The following SORCS2 variants were observed in gnomAD, a reference collection of about 807,000 sequenced individuals.
SORCS2 encodes sortilin related VPS10 domain containing receptor 2.
SORCS2 carries 100 observed loss-of-function variants against 141.6 expected under a neutral mutation model. The ratio of observed to expected loss-of-function variants is 0.71; its 90% CI spans 0.60 to 0.83. The LOEUF is 0.83. Among genes scored for constraint, SORCS2 ranks in the 40% least tolerant of loss-of-function variants. The pLI, the probability that SORCS2 is intolerant of heterozygous loss-of-function variation, is 0.00. For synonymous variants in SORCS2, 789 were observed against 676.9 expected (o/e 1.17, Z -2.57); for missense variants, 1,646 against 1,560.2 (o/e 1.05, Z -0.93).
At chr4:7,249,989 C>T (rs1713382249) in intron 1 of SORCS2, among the ~76,000 whole-genome samples, 1 of 152,118 alleles carries the variant, frequency 6.6e-6, no homozygotes, top group Admixed American at 6.5e-5. Flanking sequence ...TGCTTGTAAT[C>T]CTAACACTTT....
Position 7,741,272 on chromosome 4 carries a change from C to T in SORCS2, c.*1008C>T. The T allele has an allele frequency of 2.5e-6, 1 of 398,914 alleles. No individual in the cohort carries two copies. The highest frequency in any genetic ancestry group is 4.4e-6 in the Non-Finnish European group (1 of 226,124). The allele number at this position is 398,914 out of a possible 1,614,324, so 24.7% of individuals were successfully genotyped here. A position where few individuals can be genotyped will look rare whatever the true frequency, so the allele number is the denominator to read the frequency against. Reference sequence around the variant, plus strand: ...GGGCTGGAAGGGCCATCAGCGTGACCCTCATTTTCAAGAAGGGGAAACTGA... The same window carrying T: ...GGGCTGGAAGGGCCATCAGCGTGACTCTCATTTTCAAGAAGGGGAAACTGA... On this transcript the variant is annotated 3_prime_UTR_variant, in exon 27 of 27. Coordinates refer to ENST00000507866, the MANE Select transcript of SORCS2 (RefSeq NM_020777.3).
intron 2 of SORCS2, among the ~76,000 whole-genome samples, chr4:7,521,046 G>A (rs927770350): frequency 3.3e-5 from 5 of 152,164 alleles, no homozygotes; most frequent in South Asian, 2.1e-4. Context: ...AATCTTGGGC[G>A]AGTTACTTAA....
chr4:7,623,582 C>G (rs73794317), intron 3 of SORCS2, among the ~76,000 whole-genome samples: 4,710 of 152,224 alleles, frequency 0.031, 222 homozygotes, highest in African/African-American at 0.11. Context: ...GGCATCCAGT[C>G]CTGCTCCTTC....
intron 3 of SORCS2, among the ~76,000 whole-genome samples, chr4:7,539,856 T>TGCTGTGGAAGCCCCATCCCC (rs1474907555): frequency 2.1e-5 from 3 of 142,054 alleles, no homozygotes; most frequent in Non-Finnish European, 4.6e-5. Flanking sequence ...GCCCCATTCC[T>TGCTGTGGAAGCCCCATCCCC]GCTGTGGAAG....
chr4:7,392,286 C>T (rs1428757135), intron 1 of SORCS2, among the ~76,000 whole-genome samples: 1 of 150,440 alleles, frequency 6.6e-6, no homozygotes, highest in Non-Finnish European at 1.5e-5. Context: ...GCCTCCAGGA[C>T]AGGGCATGTT....
At chr4:7,539,853 TCCTGCTGTGGAAGCCCCATCCCCTC>T (rs1377816446) in intron 3 of SORCS2, among the ~76,000 whole-genome samples, 6 of 146,058 alleles carry the variant, frequency 4.1e-5, no homozygotes, top group Non-Finnish European at 9.0e-5. Context: ...TCCGCCCCAT[TCCTGCTGTGGAAGCCCCATCCCCTC>T]CCTGCTGTGG....
chr4:7,488,358 C>G (rs1475427542), intron 2 of SORCS2, among the ~76,000 whole-genome samples: 1 of 152,208 alleles, frequency 6.6e-6, no homozygotes, highest in African/African-American at 2.4e-5. Flanking sequence ...GGACTCTGAG[C>G]TGGGTCAAGG....
chr4:7,589,898 C>T (rs79148301), intron 3 of SORCS2, among the ~76,000 whole-genome samples: 5,742 of 152,236 alleles, frequency 0.038, 183 homozygotes, highest in Admixed American at 0.1. Flanking sequence ...TCTAGAGCAG[C>T]GCAAATATGG....
Position 7,262,837 on chromosome 4 carries a change from G to A in SORCS2, c.480+69711G>A, listed in dbSNP as rs1261839260. Among the ~76,000 whole-genome samples the A allele has an allele frequency of 2.6e-5, 4 of 152,176 alleles. No individual in the cohort carries two copies. The East Asian group carries it at 7.7e-4, about 29-fold the overall frequency. Reference sequence around the variant, plus strand: ...GATTTAGGCACTGCTTTTTCTTTAGGCTGTGTCTGGTGAAGGTGGAGGGAC... The same window carrying A: ...GATTTAGGCACTGCTTTTTCTTTAGACTGTGTCTGGTGAAGGTGGAGGGAC... On this transcript the variant is annotated intron_variant, in intron 1 of 26. Transcript: ENST00000507866.
chr4:7,555,216 T>A (rs1714020715), intron 3 of SORCS2, among the ~76,000 whole-genome samples: 1 of 152,256 alleles, frequency 6.6e-6, no homozygotes, highest in South Asian at 2.1e-4. Context: ...TCTGGCTGTG[T>A]GAGCCAGTTG....
At chr4:7,433,485 C>G (rs771521999) in intron 2 of SORCS2, 14 of 1,587,264 alleles carry the variant, frequency 8.8e-6, no homozygotes, top group Non-Finnish European at 1.2e-5. Context: ...AGGCCCCCAC[C>G]TTCTTGCACA....
chr4:7,630,311 G>A (rs34369999), intron 3 of SORCS2, among the ~76,000 whole-genome samples: 20,861 of 152,188 alleles, frequency 0.14, 1,571 homozygotes, highest in Non-Finnish European at 0.17. Context: ...CAGCAGGAAC[G>A]AACCTGCAGA....
At chr4:7,611,206 C>G (rs1718383446) in intron 3 of SORCS2, among the ~76,000 whole-genome samples, 1 of 152,220 alleles carries the variant, frequency 6.6e-6, no homozygotes, top group African/African-American at 2.4e-5. Flanking sequence ...GAAACCATGA[C>G]CTCAGCACCT....
chr4:7,299,046 C>G (rs956321491), intron 1 of SORCS2, among the ~76,000 whole-genome samples: 3 of 152,288 alleles, frequency 2.0e-5, no homozygotes, highest in Non-Finnish European at 2.9e-5. Context: ...CCGCCACCCC[C>G]TCTTGGGTCC....
chr4:7,626,207 T>C (rs189925450), intron 3 of SORCS2, among the ~76,000 whole-genome samples: 5 of 152,282 alleles, frequency 3.3e-5, no homozygotes, highest in Non-Finnish European at 5.9e-5. Context: ...CGACCATTCA[T>C]AGATGACCTA....
chr4:7,255,852 CCCGGGG>C (rs1713823895), intron 1 of SORCS2, among the ~76,000 whole-genome samples: 1 of 59,004 alleles, frequency 1.7e-5, no homozygotes, highest in African/African-American at 1.2e-4. Context: ...TGCGTGGGGA[CCCGGGG>C]CTGGAGCGTG....
chr4:7,669,523 C>T (rs1443023364), intron 8 of SORCS2, among the ~76,000 whole-genome samples: 2 of 152,244 alleles, frequency 1.3e-5, no homozygotes, highest in Non-Finnish European at 2.9e-5. Context: ...CCAGTGTTTC[C>T]CACCAACAAC....
At chr4:7,739,038 C>A (rs1712436375) in intron 26 of SORCS2, among the ~76,000 whole-genome samples, 1 of 152,198 alleles carries the variant, frequency 6.6e-6, no homozygotes, top group African/African-American at 2.4e-5. Context: ...TGTGTCAGCC[C>A]CAGCTCAGCG....
intron 11 of SORCS2, 29 bp downstream of exon 11, chr4:7,689,617 C>A (rs373111053): frequency 2.2e-4 from 340 of 1,548,840 alleles, no homozygotes; most frequent in Non-Finnish European, 2.8e-4. Context: ...AGGTGGCTGG[C>A]AGGTGCCATT....
Sources: allele counts gnomAD v4.1 joint callset (sites outside exome capture counted in the v4.1 genomes callset), GRCh38; gene constraint gnomAD v4.1.1; transcripts MANE v1.5; gene names NCBI Gene and HGNC (gene_info 2026-07-23, HGNC 2026-07-21).